Variants in CDH12 observed in about 807,000 individuals in gnomAD.
CDH12 encodes the protein cadherin-12.
A neutral mutation model predicts 74.1 loss-of-function variants in CDH12; 41 were observed. That is an observed-to-expected ratio of 0.55 (90% CI 0.43 to 0.72). CDH12 has a LOEUF of 0.72. CDH12 is among the 30% of genes least tolerant of loss of function. The pLI is 0.00. For synonymous variants in CDH12, 399 were observed against 355.0 expected, an observed-to-expected ratio of 1.12 and a Z score of -1.39; for missense variants, 945 against 977.2, an observed-to-expected ratio of 0.97 and a Z score of 0.44.
intron 3 of CDH12, among the ~76,000 whole-genome samples, chr5:22,222,577 A>G (rs960949419): frequency 6.6e-6 from 1 of 151,766 alleles, no homozygotes; most frequent in Admixed American, 6.6e-5. Flanking sequence ...TATTTTTTAT[A>G]TATTCTAAAC....
At position 21,751,451 on chromosome 5, in the gene CDH12, G is replaced by C. The variant is rs1468942359; in HGVS notation, c.*286C>G. 8.6e-6 allele frequency: 3 copies of C among 349,608 alleles called. No homozygotes were observed. Among genetic ancestry groups the C allele is most frequent in the Non-Finnish European group, 1.6e-5 (3 of 188,328 alleles). 21.7% of individuals were successfully genotyped at this position (349,608 alleles called of 1,614,324 possible). ...TCAGTAAATTGTATTGAATAGGCCT[G>C]AGCTTGTCTCAGTGTGATTGTGAAA... On this transcript the variant is annotated 3_prime_UTR_variant, in exon 15 of 15. Coordinates refer to ENST00000382254, the MANE Select transcript of CDH12 (RefSeq NM_004061.5).
chr5:22,327,562 T>A (rs1462232845), intron 3 of CDH12, among the ~76,000 whole-genome samples: 2 of 152,114 alleles, frequency 1.3e-5, no homozygotes, highest in Non-Finnish European at 2.9e-5. Flanking sequence ...CTTCTGCATA[T>A]CTTAAGCTTC....
At chr5:22,157,520 T>A (rs1181100335) in intron 4 of CDH12, among the ~76,000 whole-genome samples, 1 of 152,022 alleles carries the variant, frequency 6.6e-6, no homozygotes, top group Non-Finnish European at 1.5e-5. Context: ...TCAAGATGGA[T>A]ATCCAGATTC....
rs750870605 is a variant in CDH12, at chr5:21,802,242, T to C, written c.1181A>G (p.Tyr394Cys). The C allele has an allele frequency of 1.2e-6, 2 of 1,613,914 alleles. No homozygotes were observed. The highest frequency in any genetic ancestry group is 4.5e-5 in the East Asian group (2 of 44,776). ...FSKPLYTMEV[Y>C]EDTPVGTIIG... is the part of the protein sequence containing the mutation. ...GATGGTCCCTACCGGAGTGTCTTCA[T>C]AAACCTCCATGGTGTAGAGCGGCTT... The change falls in exon 10 of 15, where the codon TAT (tyrosine) becomes TGT (cysteine). Residue 394 changes from tyrosine to cysteine, a missense_variant. Transcript: ENST00000382254.
At chr5:21,999,487 G>A (rs1020732717) in intron 5 of CDH12, among the ~76,000 whole-genome samples, 8 of 152,146 alleles carry the variant, frequency 5.3e-5, no homozygotes, top group Non-Finnish European at 1.0e-4. Context: ...CAAGAAATAT[G>A]ATTTGATCTG....
chr5:22,214,374 C>T (rs1410265781), intron 3 of CDH12, among the ~76,000 whole-genome samples: 1 of 152,128 alleles, frequency 6.6e-6, no homozygotes. Context: ...AAGCAGGAAA[C>T]CCATTATCCA....
intron 6 of CDH12, among the ~76,000 whole-genome samples, chr5:21,972,085 A>T (rs1355884854): frequency 6.6e-6 from 1 of 152,184 alleles, no homozygotes; most frequent in African/African-American, 2.4e-5. Context: ...ACACAAGTGA[A>T]AATTAGTAAT....
chr5:22,234,784 A>G (rs2150377172), intron 3 of CDH12, among the ~76,000 whole-genome samples: 1 of 152,176 alleles, frequency 6.6e-6, no homozygotes, highest in African/African-American at 2.4e-5. Context: ...TAAGAAATTC[A>G]CTAAACTCAG....
chr5:22,001,236 T>G (rs1328637393), intron 5 of CDH12, among the ~76,000 whole-genome samples: 2 of 152,184 alleles, frequency 1.3e-5, no homozygotes, highest in Non-Finnish European at 2.9e-5. Context: ...CTTAGCCTTT[T>G]GGGATCTGAT....
intron 6 of CDH12, among the ~76,000 whole-genome samples, chr5:21,905,442 T>C (rs964165205): frequency 6.6e-6 from 1 of 152,232 alleles, no homozygotes; most frequent in Non-Finnish European, 1.5e-5. Flanking sequence ...CAAAAATGAC[T>C]GTCTTTGCAG....
chr5:22,684,192 G>A (rs1741642361), intron 1 of CDH12, among the ~76,000 whole-genome samples: 1 of 152,040 alleles, frequency 6.6e-6, no homozygotes, highest in Non-Finnish European at 1.5e-5. Flanking sequence ...TACATAGTAG[G>A]TGTATAAATT....
intron 3 of CDH12, among the ~76,000 whole-genome samples, chr5:22,229,068 T>C (rs1427091699): frequency 2.0e-5 from 3 of 151,970 alleles, no homozygotes; most frequent in Non-Finnish European, 4.4e-5. Context: ...TTTGAAGAAT[T>C]TCACACTGTC....
intron 1 of CDH12, among the ~76,000 whole-genome samples, chr5:22,569,899 T>A (rs750656945): frequency 9.9e-5 from 15 of 152,124 alleles, no homozygotes; most frequent in Non-Finnish European, 1.9e-4. Context: ...TTTGACCTCC[T>A]CCCATCAATC....
intron 5 of CDH12, among the ~76,000 whole-genome samples, chr5:21,978,177 C>A (rs1256813413): frequency 6.6e-6 from 1 of 152,060 alleles, no homozygotes; most frequent in African/African-American, 2.4e-5. Context: ...GTATCGCTCT[C>A]GTTGCCCAGG....
chr5:22,535,133 G>T (rs1737775335), intron 1 of CDH12, among the ~76,000 whole-genome samples: 1 of 145,312 alleles, frequency 6.9e-6, no homozygotes, highest in Admixed American at 7.0e-5. Context: ...CACCATGCCT[G>T]GCTAATTTTC....
intron 3 of CDH12, among the ~76,000 whole-genome samples, chr5:22,290,626 G>A (rs56286699): frequency 0.081 from 12,306 of 152,130 alleles, 575 homozygotes; most frequent in South Asian, 0.16. Context: ...GTGAAAATGA[G>A]TCAAGAAAGT....
intron 1 of CDH12, among the ~76,000 whole-genome samples, chr5:22,629,654 A>G (rs1738476826): frequency 6.6e-6 from 1 of 152,168 alleles, no homozygotes; most frequent in South Asian, 2.1e-4. Flanking sequence ...AGCCAACATC[A>G]TAATGAATGA....
intron 1 of CDH12, among the ~76,000 whole-genome samples, chr5:22,738,469 T>C (rs73742192): frequency 0.018 from 2,689 of 152,128 alleles, 83 homozygotes; most frequent in African/African-American, 0.061. Context: ...TTGTTACATG[T>C]AAATAACTGA....
chr5:22,491,981 G>C (rs1245611467), intron 2 of CDH12, among the ~76,000 whole-genome samples: 1 of 152,032 alleles, frequency 6.6e-6, no homozygotes, highest in East Asian at 1.9e-4. Context: ...TCACTATAAC[G>C]ACCTCATTTT....
Sources: allele counts gnomAD v4.1 joint callset (sites outside exome capture counted in the v4.1 genomes callset), GRCh38; gene constraint gnomAD v4.1.1; transcripts MANE v1.5; gene names NCBI Gene and HGNC (gene_info 2026-07-23, HGNC 2026-07-21).